The following XPO4 variants were observed in gnomAD, a reference collection of about 807,000 sequenced individuals.
XPO4 encodes the protein exportin-4.
A neutral mutation model predicts 143.0 loss-of-function variants in XPO4; 39 were observed. That is an observed-to-expected ratio of 0.27 (90% CI 0.21 to 0.36). The LOEUF (loss-of-function observed/expected upper bound fraction) is 0.36, where lower values mean the gene tolerates loss of function less well. Ranked by LOEUF, XPO4 falls within the 10% of genes least tolerant of loss-of-function variation. The probability of loss-of-function intolerance (pLI) is 1.00; values close to 1 mark genes in which losing one functional copy is unlikely to be tolerated. For missense variants in XPO4, 907 were observed against 1,348.0 expected, an observed-to-expected ratio of 0.67 and a Z score of 5.12; for synonymous variants, 439 against 474.0, an observed-to-expected ratio of 0.93 and a Z score of 0.96.
intron 3 of XPO4, among the ~76,000 whole-genome samples, chr13:20,861,777 C>CTTTTTTTTTTTTTTTTTTTTT (rs71200306): frequency 4.1e-5 from 3 of 73,394 alleles, no homozygotes; most frequent in African/African-American, 1.4e-4. Context: ...ACATTTCTCT[C>CTTTTTTTTTTTTTTTTTTTTT]TTTTTTTTTT....
chr13:20,847,298 AT>A (rs1245397354), intron 4 of XPO4, among the ~76,000 whole-genome samples: 1 of 152,160 alleles, frequency 6.6e-6, no homozygotes, highest in Admixed American at 6.6e-5. Context: ...TCACTTCTAA[AT>A]ATGTTTGCTC....
chr13:20,850,638 A>G (rs989124115), intron 4 of XPO4: 36 of 287,380 alleles, frequency 1.3e-4, no homozygotes, highest in Non-Finnish European at 1.6e-4. Flanking sequence ...AGTGGCACGT[A>G]CCAACAGTCC....
intron 13 of XPO4, among the ~76,000 whole-genome samples, 188 bp downstream of exon 13, chr13:20,807,269 C>G (rs1216080453): frequency 6.6e-6 from 1 of 152,188 alleles, no homozygotes; most frequent in African/African-American, 2.4e-5. Context: ...TCAACTCTCA[C>G]TAGAGTGGCA....
intron 20 of XPO4, 42 bp from the exon 21 acceptor site, chr13:20,787,640 C>T (rs762816225): frequency 6.5e-6 from 10 of 1,541,886 alleles, no homozygotes; most frequent in East Asian, 4.5e-5. Context: ...TGGATATATT[C>T]GATTTATAAA....
intron 13 of XPO4, among the ~76,000 whole-genome samples, chr13:20,802,860 C>T (rs895457453): frequency 5.3e-5 from 8 of 152,128 alleles, no homozygotes; most frequent in Non-Finnish European, 1.0e-4. Context: ...CATTATGATA[C>T]TTAAAACTAG....
intron 1 of XPO4, among the ~76,000 whole-genome samples, chr13:20,890,034 G>A (rs1001030369): frequency 4.6e-5 from 7 of 152,280 alleles, no homozygotes; most frequent in Middle Eastern, 3.4e-3. Context: ...AGAACCAGAA[G>A]TAATAAGAAG....
intron 19 of XPO4, 150 bp from the exon 20 acceptor site, chr13:20,788,766 A>C (rs1386615834): frequency 1.3e-6 from 1 of 763,530 alleles, no homozygotes; most frequent in African/African-American, 1.8e-5. Context: ...AGACCAAATT[A>C]AATGTAAAAA....
At chr13:20,887,217 T>C (rs1241111832) in intron 1 of XPO4, among the ~76,000 whole-genome samples, 1 of 152,160 alleles carries the variant, frequency 6.6e-6, no homozygotes, top group East Asian at 1.9e-4. Context: ...TCATCATAAA[T>C]ATGCCAATAG....
chr13:20,804,248 TAC>T (rs1406112269), intron 13 of XPO4, among the ~76,000 whole-genome samples: 6 of 150,694 alleles, frequency 4.0e-5, no homozygotes, highest in South Asian at 4.2e-4. Context: ...TATATATATA[TAC>T]ACACACACAC....
intron 1 of XPO4, 150 bp from the exon 2 acceptor site, chr13:20,868,851 T>C (rs1291942375): frequency 1.6e-6 from 1 of 631,440 alleles, no homozygotes; most frequent in Non-Finnish European, 2.5e-6. Flanking sequence ...AATTATAGTA[T>C]AAAACTTGAT....
At chr13:20,870,089 C>CAAAAA (rs59710121) in intron 1 of XPO4, among the ~76,000 whole-genome samples, 7,341 of 98,450 alleles carry the variant, frequency 0.075, 508 homozygotes, top group East Asian at 0.27. Flanking sequence ...GAAGGAGTCT[C>CAAAAA]AAAAAAAAAA....
chr13:20,879,215 G>T (rs2060382863), intron 1 of XPO4: 1 of 985,114 alleles, frequency 1.0e-6, no homozygotes, highest in Admixed American at 6.2e-5. Flanking sequence ...GATCTAACAA[G>T]ATATCCCTCC....
intron 9 of XPO4, among the ~76,000 whole-genome samples, 156 bp downstream of exon 9, chr13:20,821,548 C>G (rs921018579): frequency 2.0e-5 from 3 of 152,186 alleles, no homozygotes; most frequent in Admixed American, 1.3e-4. Context: ...TTTTAAAGGT[C>G]ATGTTTCCCA....
chr13:20,789,504 C>A (rs376206718), intron 19 of XPO4, among the ~76,000 whole-genome samples: 44 of 151,640 alleles, frequency 2.9e-4, no homozygotes, highest in African/African-American at 1.0e-3. Context: ...ACGCCATTCT[C>A]CTGCCTCAGC....
chr13:20,798,107 C>T (rs984062477), intron 16 of XPO4, among the ~76,000 whole-genome samples: 4 of 152,028 alleles, frequency 2.6e-5, no homozygotes, highest in African/African-American at 9.7e-5. Context: ...CACACCACTG[C>T]ACTCCAGCCT....
At chr13:20,804,100 C>A (rs900514979) in intron 13 of XPO4, among the ~76,000 whole-genome samples, 1 of 151,306 alleles carries the variant, frequency 6.6e-6, no homozygotes, top group Non-Finnish European at 1.5e-5. Context: ...GCCCATCTCC[C>A]CATCTTTTTT....
chr13:20,848,917 A>G lies in XPO4; in HGVS notation c.457-5031T>C, dbSNP rs951588840. 4.1e-6 allele frequency: 4 copies of G among 985,332 alleles called. No individual in the cohort carries two copies. In the African/African-American group the frequency reaches 7.0e-5, roughly 17 times the overall value. 61.0% of individuals were successfully genotyped at this position (985,332 alleles called of 1,614,324 possible). A position where few individuals can be genotyped will look rare whatever the true frequency, so the allele number is the denominator to read the frequency against. The stretch of plus-strand genomic sequence containing the variant: ...TCTTTCATTGAAGTACTGAAAATTC[A>G]CAAGTTAATTCACTGGCTAACAATT... On this transcript the variant is annotated intron_variant, in intron 4 of 22. Coordinates refer to ENST00000255305, the MANE Select transcript of XPO4 (RefSeq NM_022459.5).
At chr13:20,888,946 G>A (rs2060486533) in intron 1 of XPO4, among the ~76,000 whole-genome samples, 1 of 152,064 alleles carries the variant, frequency 6.6e-6, no homozygotes, top group South Asian at 2.1e-4. Flanking sequence ...GGGGTCACAG[G>A]CGTGTGCCAC....
chr13:20,839,305 C>T (rs1048320639), intron 6 of XPO4, among the ~76,000 whole-genome samples: 3 of 152,098 alleles, frequency 2.0e-5, no homozygotes, highest in Admixed American at 1.3e-4. Context: ...TATATGATTC[C>T]ATTTATACGC....
Sources: gnomAD v4.1 joint callset for allele counts (sites outside exome capture counted in the v4.1 genomes callset) on GRCh38, gnomAD v4.1.1 for gene constraint, MANE v1.5 for transcripts, NCBI Gene and HGNC (gene_info 2026-07-23, HGNC 2026-07-21) for gene names.